Variants in CAP2 observed in about 807,000 individuals in gnomAD.
The protein encoded by CAP2 is cyclase associated actin cytoskeleton regulatory protein 2, also known as adenylyl cyclase-associated protein 2.
In CAP2, 24 loss-of-function variants were observed where a neutral mutation model predicts 57.7. The observed-to-expected ratio is 0.42, with a 90% CI of 0.30 to 0.58. The LOEUF (loss-of-function observed/expected upper bound fraction) is 0.58, where lower values mean the gene tolerates loss of function less well. Among genes scored for constraint, CAP2 ranks in the 20% least tolerant of loss-of-function variants. The pLI is 0.22. For missense variants in CAP2, 501 were observed against 590.3 expected (o/e 0.85, Z 1.57); for synonymous variants, 194 against 207.2 (o/e 0.94, Z 0.55).
intron 11 of CAP2, among the ~76,000 whole-genome samples, chr6:17,546,017 C>CT (rs1238945514): frequency 6.6e-6 from 1 of 152,154 alleles, no homozygotes; most frequent in Non-Finnish European, 1.5e-5. Context: ...GTGCATGTGT[C>CT]TTTATAGCAG....
At chr6:17,497,184 C>T (rs922984467) in intron 4 of CAP2, among the ~76,000 whole-genome samples, 4 of 152,146 alleles carry the variant, frequency 2.6e-5, no homozygotes, top group Admixed American at 1.3e-4. Flanking sequence ...CTGATGAATT[C>T]GATTGGTTTC....
chr6:17,550,020 TAATA>T (rs1270198829), intron 11 of CAP2, among the ~76,000 whole-genome samples: 3 of 152,204 alleles, frequency 2.0e-5, no homozygotes, highest in African/African-American at 7.2e-5. Context: ...GTTGGTAAGT[TAATA>T]AATAAATCCT....
In CAP2 at chr6:17,507,108, T is replaced by C. The variant is rs532463730; in HGVS notation, c.301-61T>C. On this transcript the variant is annotated intron_variant, in intron 4 of 12. Transcript: ENST00000229922. ...ATTCTCCTGCTTAGGCCAACATGGA[T>C]AGAGGTGCTATGCGTCTGCTCTGTC... The C allele has an allele frequency of 3.2e-6, 5 of 1,577,212 alleles. No individual in the cohort carries two copies. In the African/African-American group the frequency reaches 6.7e-5, roughly 21 times the overall value.
At chr6:17,538,506 G>A (rs894300819) in intron 7 of CAP2, among the ~76,000 whole-genome samples, 1 of 152,048 alleles carries the variant, frequency 6.6e-6, no homozygotes, top group African/African-American at 2.4e-5. Context: ...TGTCTATCAC[G>A]TCTTATTGCC....
At chr6:17,401,944 T>C (rs1389458526) in intron 1 of CAP2, among the ~76,000 whole-genome samples, 1 of 152,216 alleles carries the variant, frequency 6.6e-6, no homozygotes, top group Non-Finnish European at 1.5e-5. Context: ...TAATTGAAAA[T>C]TTTAAAAAGA....
intron 4 of CAP2, among the ~76,000 whole-genome samples, chr6:17,464,045 G>A (rs967083115): frequency 2.6e-5 from 4 of 152,054 alleles, no homozygotes; most frequent in South Asian, 2.1e-4. Context: ...GAAAATTTTC[G>A]ATTCTCTAAA....
Position 17,507,307 on chromosome 6 carries a change from G to T in CAP2, c.439G>T (p.Ala147Ser). ...SESIPALGWI[A>S]VSPKPGPYVK... is the part of the protein sequence containing the mutation. Reference sequence around the variant, plus strand: ...AAGCATCCCTGCCCTTGGATGGATAGCTGTGGTGAGTCCAGGTGCAATGTT... The same window carrying T: ...AAGCATCCCTGCCCTTGGATGGATATCTGTGGTGAGTCCAGGTGCAATGTT... Residue 147 changes from alanine to serine, a missense_variant, in exon 5 of 13, where the codon GCT becomes TCT. Physicochemically the swap from Ala to Ser is moderately conservative, Grantham distance 99 (BLOSUM62 1). Coordinates refer to ENST00000229922, the MANE Select transcript of CAP2 (RefSeq NM_006366.3). 6.2e-7 allele frequency: 1 copy of T among 1,614,154 alleles called. No homozygotes were observed. Among genetic ancestry groups the T allele is most frequent in the Non-Finnish European group, 8.5e-7 (1 of 1,179,998 alleles).
chr6:17,439,154 G>A (rs1317149459), intron 3 of CAP2, among the ~76,000 whole-genome samples: 1 of 151,134 alleles, frequency 6.6e-6, no homozygotes, highest in African/African-American at 2.5e-5. Flanking sequence ...AGAAAAAAAA[G>A]GCTTTTTCTT....
intron 11 of CAP2, among the ~76,000 whole-genome samples, chr6:17,547,017 A>G (rs1763062743): frequency 6.6e-6 from 1 of 152,210 alleles, no homozygotes; most frequent in Non-Finnish European, 1.5e-5. Flanking sequence ...AAAAATCACA[A>G]GCATTCTTAT....
At chr6:17,466,928 A>G (rs1080918) in intron 4 of CAP2, among the ~76,000 whole-genome samples, 3,837 of 152,296 alleles carry the variant, frequency 0.025, 161 homozygotes, top group African/African-American at 0.082. Flanking sequence ...AGTATCTAGT[A>G]GATGAGTTAC....
At position 17,486,475 on chromosome 6, in the gene CAP2, G is replaced by A. The variant is rs935146940; in HGVS notation, c.301-20694G>A. 3.6e-4 allele frequency among the ~76,000 whole-genome samples: 54 copies of A among 149,792 alleles called. No individual in the cohort carries two copies. The East Asian group carries it at 4.5e-3, about 12-fold the overall frequency. Reference sequence around the variant, plus strand: ...AAAAAAATTAGCCCGGCATGGTGGCGTGCACCTGTAGTCCCAGCTACTCGG... The same window carrying A: ...AAAAAAATTAGCCCGGCATGGTGGCATGCACCTGTAGTCCCAGCTACTCGG... On this transcript the variant is annotated intron_variant, in intron 4 of 12. Coordinates refer to ENST00000229922, the MANE Select transcript of CAP2 (RefSeq NM_006366.3).
At chr6:17,541,769 A>G (rs1309581948) in intron 9 of CAP2, among the ~76,000 whole-genome samples, 2 of 152,182 alleles carry the variant, frequency 1.3e-5, no homozygotes, top group Non-Finnish European at 2.9e-5. Context: ...TTCTGACTAT[A>G]TGTTCGTACC....
At chr6:17,478,868 T>G (rs73375256) in intron 4 of CAP2, among the ~76,000 whole-genome samples, 1,974 of 152,300 alleles carry the variant, frequency 0.013, 50 homozygotes, top group African/African-American at 0.045. Context: ...TTGAAGAATT[T>G]TTACTGCTGA....
chr6:17,539,307 C>G lies in CAP2; in HGVS notation c.675C>G (p.Leu225=). 1 of 1,614,028 alleles carries G rather than the reference C, an allele frequency of 6.2e-7. No homozygotes were observed. Among genetic ancestry groups the G allele is most frequent in the South Asian group, 1.1e-5 (1 of 91,048 alleles). The change falls in exon 8 of 13, where the codon CTC becomes CTG. Residue 225 remains leucine, a synonymous_variant. Coordinates refer to ENST00000229922, the MANE Select transcript of CAP2 (RefSeq NM_006366.3). ...VASTVSAFSV[L]SSGPGLPPPP... ...CCACAGTATCAGCGTTTTCTGTCCT[C>G]TCCTCTGGGCCTGGCCTTCCTCCAC...
chr6:17,494,050 A>G (rs1010015977), intron 4 of CAP2, among the ~76,000 whole-genome samples: 3 of 152,090 alleles, frequency 2.0e-5, no homozygotes, highest in Non-Finnish European at 4.4e-5. Context: ...ACTTTTCACA[A>G]TCTCCACTAC....
intron 3 of CAP2, among the ~76,000 whole-genome samples, chr6:17,428,201 A>G (rs919026184): frequency 1.3e-5 from 2 of 152,204 alleles, no homozygotes; most frequent in African/African-American, 2.4e-5. Context: ...GAATTTGATA[A>G]TCTCTGGGTT....
At chr6:17,532,800 A>G (rs1762679186) in intron 7 of CAP2, among the ~76,000 whole-genome samples, 7 of 150,812 alleles carry the variant, frequency 4.6e-5, no homozygotes, top group Admixed American at 4.6e-4. Context: ...GTGGTGGCTC[A>G]CGCCTGTAAT....
chr6:17,526,872 G>A (rs1762523492), intron 7 of CAP2, among the ~76,000 whole-genome samples: 2 of 149,546 alleles, frequency 1.3e-5, no homozygotes, highest in Non-Finnish European at 3.0e-5. Flanking sequence ...CAGGAGAATC[G>A]CTGGAACCCA....
At chr6:17,408,948 C>T (rs143532551) in intron 1 of CAP2, among the ~76,000 whole-genome samples, 2 of 150,096 alleles carry the variant, frequency 1.3e-5, no homozygotes, top group East Asian at 2.1e-4. Flanking sequence ...GGATTACAGG[C>T]GTGAGCAACC....
Sources: allele counts gnomAD v4.1 joint callset (sites outside exome capture counted in the v4.1 genomes callset), GRCh38; gene constraint gnomAD v4.1.1; transcripts MANE v1.5; gene names NCBI Gene and HGNC (gene_info 2026-07-23, HGNC 2026-07-21).